Variants in NKD2 observed in about 807,000 individuals in gnomAD.
NKD2 encodes protein naked cuticle homolog 2.
In NKD2, 43 loss-of-function variants were observed where a neutral mutation model predicts 34.8. That is an observed-to-expected ratio of 1.24 (90% CI 0.97 to 1.60). The LOEUF is 1.60. NKD2 is among the 40% of genes most tolerant of loss of function. The pLI, the probability that NKD2 is intolerant of heterozygous loss-of-function variation, is 0.00. For missense variants in NKD2, 675 were observed against 627.1 expected, an observed-to-expected ratio of 1.08 and a Z score of -0.82; for synonymous variants, 278 against 265.1, an observed-to-expected ratio of 1.05 and a Z score of -0.47.
chr5:1,038,392 C>A lies in NKD2; in HGVS notation c.*19C>A, dbSNP rs768461323. 12 of 1,535,706 alleles carry A rather than the reference C, an allele frequency of 7.8e-6. No homozygotes were observed. Among genetic ancestry groups the A allele is most frequent in the Middle Eastern group, 1.7e-4 (1 of 5,898 alleles). ...GTCCTAGCGCCACTGCCAAGCACAC[C>A]TCGCTCCCAGCACACCACAGCCCGC... On this transcript the variant is annotated 3_prime_UTR_variant, in exon 10 of 10. Transcript: ENST00000296849. The surrounding 1 kb of genome is among the most constrained non-coding windows in gnomAD (Gnocchi z 4.5).
intron 3 of NKD2, among the ~76,000 whole-genome samples, chr5:1,016,550 G>A (rs1755959025): frequency 6.6e-6 from 1 of 152,230 alleles, no homozygotes; most frequent in South Asian, 2.1e-4. Context: ...ATTCAAATTG[G>A]AGATTATTTT....
chr5:1,031,498 C>T (rs781387573), intron 3 of NKD2, among the ~76,000 whole-genome samples: 15 of 152,166 alleles, frequency 9.9e-5, no homozygotes, highest in Non-Finnish European at 2.1e-4. Context: ...GGAAATGCTC[C>T]AGGGCGGTGT....
chr5:1,036,203 G>T, intron 8 of NKD2, 54 bp from the exon 9 acceptor site: 2 of 1,473,012 alleles, frequency 1.4e-6, no homozygotes, highest in Non-Finnish European at 1.8e-6. Flanking sequence ...CCGTCATCAG[G>T]GGTGCGCCAC....
Position 1,037,802 on chromosome 5 carries a change from C to T in NKD2, c.788-3C>T, listed in dbSNP as rs989510553. On this transcript the variant is annotated splice_polypyrimidine_tract_variant and splice_region_variant and intron_variant, in intron 9 of 9. Coordinates refer to ENST00000296849, the MANE Select transcript of NKD2 (RefSeq NM_033120.4). ...GGCCTCACACTCTGACCTGTGTCCGCAGGGTCCCCTCCTGTGCAAGCAAAG... is the reference window on the plus strand; with the variant it reads ...GGCCTCACACTCTGACCTGTGTCCGTAGGGTCCCCTCCTGTGCAAGCAAAG... The T allele has an allele frequency of 1.1e-5, 17 of 1,566,124 alleles. No homozygotes were observed. The highest frequency in any genetic ancestry group is 4.1e-5 in the African/African-American group (3 of 74,004).
In NKD2 at chr5:1,034,221, A is replaced by G. The variant is rs1458607338; in HGVS notation, c.331-14A>G. ...GGTAGGAGGCGAGGTCCCGGCCCCC[A>G]CGTCCCCCCACAGGCACTCCAGTGC... On this transcript the variant is annotated splice_polypyrimidine_tract_variant and intron_variant, in intron 5 of 9. Coordinates refer to ENST00000296849, the MANE Select transcript of NKD2 (RefSeq NM_033120.4). 6.2e-7 allele frequency: 1 copy of G among 1,602,354 alleles called. No homozygotes were observed. The highest frequency in any genetic ancestry group is 8.5e-7 in the Non-Finnish European group (1 of 1,174,708).
At position 1,035,248 on chromosome 5, in the gene NKD2, AAGTG is replaced by A. The variant is rs200681642; in HGVS notation, c.575-133_575-130del. On this transcript the variant is annotated intron_variant, in intron 7 of 9. Transcript: ENST00000296849. ...CGAGTGAGTTAATGAATGAGTGAAC[AAGTG>A]AGTGAGTTAATGAATGAGTGAACCA... 3,926 of 716,898 alleles carry A rather than the reference AAGTG, an allele frequency of 5.5e-3. 26 individuals carry two copies. Among genetic ancestry groups the A allele is most frequent in the Middle Eastern group, 0.019 (71 of 3,686 alleles). The allele number at this position is 716,898 out of a possible 1,614,324, so 44.4% of individuals were successfully genotyped here.
At chr5:1,027,051 C>T (rs554815434) in intron 3 of NKD2, among the ~76,000 whole-genome samples, 1 of 152,378 alleles carries the variant, frequency 6.6e-6, no homozygotes, top group South Asian at 2.1e-4. Context: ...GACCACAGGA[C>T]ATGGGCCAGG....
At chr5:1,022,232 T>C (rs1756227858) in intron 3 of NKD2, among the ~76,000 whole-genome samples, 1 of 150,444 alleles carries the variant, frequency 6.6e-6, no homozygotes, top group South Asian at 2.1e-4. Context: ...CCCAGCCCTT[T>C]GTCCCTGCTC....
intron 3 of NKD2, among the ~76,000 whole-genome samples, chr5:1,010,896 T>C (rs6898632): frequency 0.12 from 18,267 of 152,312 alleles, 1,246 homozygotes; most frequent in African/African-American, 0.18. Context: ...TGGGAGGCGC[T>C]GCACCATGAA....
intron 3 of NKD2, among the ~76,000 whole-genome samples, chr5:1,027,009 C>T (rs1560992194): frequency 6.6e-6 from 1 of 152,272 alleles, no homozygotes; most frequent in African/African-American, 2.4e-5. Context: ...ATTAGCCCTG[C>T]AGAACAGGGT....
intron 3 of NKD2, among the ~76,000 whole-genome samples, chr5:1,030,026 G>GA (rs1756582331): frequency 6.8e-6 from 1 of 148,032 alleles, no homozygotes; most frequent in Non-Finnish European, 1.5e-5. Flanking sequence ...GGGGGGGGGG[G>GA]TACTGAGAAC....
chr5:1,038,730 T>G lies in NKD2; in HGVS notation c.*357T>G. 2 of 517,314 alleles carry G rather than the reference T, an allele frequency of 3.9e-6. No homozygotes were observed. The highest frequency in any genetic ancestry group is 7.2e-5 in the East Asian group (2 of 27,818). 32.0% of individuals were successfully genotyped at this position (517,314 alleles called of 1,614,324 possible). A position where few individuals can be genotyped will look rare whatever the true frequency, so the allele number is the denominator to read the frequency against. On this transcript the variant is annotated 3_prime_UTR_variant, in exon 10 of 10. Transcript: ENST00000296849. The surrounding 1 kb of genome is among the most constrained non-coding windows in gnomAD (Gnocchi z 4.5). ...AGTGCCCGGATGCTTGGGGTGGGTG[T>G]TCCTCCCGGGGCTTCAAGGGGTGAC...
At position 1,034,922 on chromosome 5, in the gene NKD2, C is replaced by T. The variant is rs200517414; in HGVS notation, c.574+19C>T. The T allele has an allele frequency of 3.1e-6, 5 of 1,594,816 alleles. No homozygotes were observed. In the Admixed American group the frequency reaches 6.8e-5, roughly 22 times the overall value. ...GGCCAGGGTGAGTGAGGCCTGGGCA[C>T]ACACAGAGGACCCTACCCAACATTG... On this transcript the variant is annotated intron_variant, in intron 7 of 9. Transcript: ENST00000296849.
chr5:1,018,976 C>T (rs1438537575), intron 3 of NKD2, among the ~76,000 whole-genome samples: 2 of 152,212 alleles, frequency 1.3e-5, no homozygotes, highest in Non-Finnish European at 2.9e-5. Context: ...CGTCACGCCT[C>T]TGTCCACAGC....
intron 3 of NKD2, among the ~76,000 whole-genome samples, chr5:1,018,035 C>T (rs1756028132): frequency 6.6e-6 from 1 of 152,100 alleles, no homozygotes; most frequent in Non-Finnish European, 1.5e-5. Flanking sequence ...CAGAGGCTTC[C>T]AGGCTGGGCA....
Position 1,014,813 on chromosome 5 carries a change from G to A in NKD2, c.141+5253G>A, listed in dbSNP as rs539157399. 3.3e-5 allele frequency among the ~76,000 whole-genome samples: 5 copies of A among 152,350 alleles called. No homozygotes were observed. In the East Asian group the frequency reaches 5.8e-4, roughly 18 times the overall value. On this transcript the variant is annotated intron_variant, in intron 3 of 9. Coordinates refer to ENST00000296849, the MANE Select transcript of NKD2 (RefSeq NM_033120.4). The stretch of plus-strand genomic sequence containing the variant: ...GTCAGCCCCGACAGAGGCTGTGAAT[G>A]AAGTCCTAGTCAAAGACCATAGTTG...
At chr5:1,014,389 G>A (rs568337094) in intron 3 of NKD2, among the ~76,000 whole-genome samples, 22 of 152,206 alleles carry the variant, frequency 1.4e-4, no homozygotes, top group Non-Finnish European at 2.9e-4. Flanking sequence ...TGGGAGCCGC[G>A]GGAACTGTGG....
intron 4 of NKD2, 93 bp downstream of exon 4, chr5:1,032,305 T>C: frequency 1.0e-6 from 1 of 981,806 alleles, no homozygotes; most frequent in Non-Finnish European, 1.6e-6. Context: ...AACAACCCCG[T>C]GTGCGGAGCG....
intron 3 of NKD2, among the ~76,000 whole-genome samples, chr5:1,021,506 G>A (rs1202622078): frequency 6.6e-6 from 1 of 151,128 alleles, no homozygotes; most frequent in Non-Finnish European, 1.5e-5. Context: ...AGCAAGCACA[G>A]CCTGGAAGGA....
Sources: gnomAD v4.1 joint callset for allele counts (sites outside exome capture counted in the v4.1 genomes callset) on GRCh38, gnomAD v4.1.1 for gene constraint, Gnocchi (gnomAD v3.1) non-coding constraint, MANE v1.5 for transcripts, NCBI Gene and HGNC (gene_info 2026-07-23, HGNC 2026-07-21) for gene names.